Variants in IL1RAPL2 observed in about 807,000 individuals in gnomAD.
IL1RAPL2 encodes the protein interleukin 1 receptor accessory protein like 2.
In IL1RAPL2, 3 loss-of-function variants were observed where a neutral mutation model predicts 44.1. That is an observed-to-expected ratio of 0.07 (90% confidence interval 0.03 to 0.18). The LOEUF (loss-of-function observed/expected upper bound fraction) is 0.18. Ranked by LOEUF, IL1RAPL2 falls within the 10% of genes least tolerant of loss-of-function variation. IL1RAPL2 has a pLI of 1.00. For synonymous variants in IL1RAPL2, 181 were observed against 178.8 expected (o/e 1.01, Z -0.10); for missense variants, 391 against 496.4 (o/e 0.79, Z 2.02).
intron 5 of IL1RAPL2, among the ~76,000 whole-genome samples, chrX:105,415,364 T>C (rs1285421985): frequency 9.0e-6 from 1 of 111,384 alleles, no homozygotes; most frequent in Non-Finnish European, 1.9e-5. Flanking sequence ...TATCATATAA[T>C]AGGAAGTCAG....
chrX:105,213,505 G>A (rs1233080227), intron 3 of IL1RAPL2, among the ~76,000 whole-genome samples: 2 of 110,812 alleles, frequency 1.8e-5, no homozygotes, highest in African/African-American at 6.6e-5. Flanking sequence ...TGATTGATTG[G>A]TGTACCTGAA....
intron 6 of IL1RAPL2, among the ~76,000 whole-genome samples, chrX:105,641,030 A>C (rs1202540317): frequency 1.8e-5 from 2 of 109,991 alleles, no homozygotes; most frequent in Non-Finnish European, 3.8e-5. Flanking sequence ...TAAACATACA[A>C]AAAATTAAGC....
intron 2 of IL1RAPL2, among the ~76,000 whole-genome samples, chrX:104,798,923 T>A (rs1214084402): frequency 2.7e-5 from 3 of 111,404 alleles, no homozygotes; most frequent in African/African-American, 9.8e-5. Flanking sequence ...TCCACATGCC[T>A]CTAGACTAAG....
At chrX:105,351,653 A>T in intron 5 of IL1RAPL2, among the ~76,000 whole-genome samples, 1 of 110,515 alleles carries the variant, frequency 9.0e-6, no homozygotes, top group Middle Eastern at 4.7e-3. Context: ...TAGGGGAGGG[A>T]TAGCATTAAG....
At chrX:104,618,447 G>A (rs1333463118) in intron 1 of IL1RAPL2, among the ~76,000 whole-genome samples, 1 of 112,258 alleles carries the variant, frequency 8.9e-6, no homozygotes, top group Non-Finnish European at 1.9e-5. Flanking sequence ...ACCCAGAGGT[G>A]TGCCTACGTA....
At chrX:105,275,814 G>A (rs1343170378) in intron 5 of IL1RAPL2, among the ~76,000 whole-genome samples, 1 of 110,784 alleles carries the variant, frequency 9.0e-6, no homozygotes, top group Non-Finnish European at 1.9e-5. Context: ...GCACAGCTAG[G>A]ACTAGAATCC....
chrX:105,379,417 A>G (rs1258538289), intron 5 of IL1RAPL2, among the ~76,000 whole-genome samples: 2 of 112,021 alleles, frequency 1.8e-5, no homozygotes, highest in Non-Finnish European at 3.8e-5. Context: ...CAATGAGTGT[A>G]GATTGGAGCT....
chrX:105,079,458 T>G (rs1380177884), intron 2 of IL1RAPL2, among the ~76,000 whole-genome samples: 1 of 109,791 alleles, frequency 9.1e-6, no homozygotes, highest in Non-Finnish European at 1.9e-5. Flanking sequence ...GTTTTCTTTA[T>G]CCAGTTCTTG....
At chrX:105,078,820 A>C (rs1393969459) in intron 2 of IL1RAPL2, among the ~76,000 whole-genome samples, 1 of 112,176 alleles carries the variant, frequency 8.9e-6, no homozygotes, top group Admixed American at 9.4e-5. Context: ...TGGGCATAGG[A>C]CCCTCCAAGC....
chrX:104,647,197 C>A, intron 1 of IL1RAPL2: 1 of 330,487 alleles, frequency 3.0e-6, no homozygotes. Context: ...GCAGGGTGGG[C>A]CCCCACTGGG....
intron 2 of IL1RAPL2, among the ~76,000 whole-genome samples, chrX:104,711,542 A>G (rs1212638968): frequency 9.0e-6 from 1 of 110,897 alleles, no homozygotes; most frequent in Non-Finnish European, 1.9e-5. Flanking sequence ...AAATAATGAA[A>G]GACAAATATG....
At chrX:104,890,250 A>G (rs1923385802) in intron 2 of IL1RAPL2, among the ~76,000 whole-genome samples, 2 of 111,926 alleles carry the variant, frequency 1.8e-5, no homozygotes, top group African/African-American at 6.5e-5. Flanking sequence ...TAGTGCCGCA[A>G]TAAACATACG....
intron 1 of IL1RAPL2, chrX:104,647,680 G>T: frequency 1.8e-6 from 1 of 549,472 alleles, no homozygotes. Flanking sequence ...TGATGCTGGT[G>T]AAGATGCAAG....
At chrX:105,383,320 G>C (rs968890716) in intron 5 of IL1RAPL2, among the ~76,000 whole-genome samples, 1 of 110,844 alleles carries the variant, frequency 9.0e-6, no homozygotes, top group African/African-American at 3.3e-5. Flanking sequence ...ATGAAATCAT[G>C]TTTTAACCTC....
At chrX:105,752,431 G>A (rs142827195) in intron 9 of IL1RAPL2, among the ~76,000 whole-genome samples, 4 of 111,919 alleles carry the variant, frequency 3.6e-5, no homozygotes, top group Non-Finnish European at 7.5e-5. Flanking sequence ...AAAACGTTTC[G>A]TTATCTTCCT....
intron 6 of IL1RAPL2, among the ~76,000 whole-genome samples, chrX:105,515,155 G>A (rs777981125): frequency 4.5e-5 from 5 of 111,671 alleles, no homozygotes; most frequent in Non-Finnish European, 7.5e-5. Flanking sequence ...GAGAGGAAGT[G>A]TGTTCACTGA....
intron 2 of IL1RAPL2, among the ~76,000 whole-genome samples, chrX:105,021,747 G>C (rs1009840498): frequency 9.0e-6 from 1 of 111,450 alleles, no homozygotes; most frequent in East Asian, 2.8e-4. Flanking sequence ...AACAATACGT[G>C]GGTATTTGCC....
chrX:104,678,239 C>T (rs899965906), intron 2 of IL1RAPL2, among the ~76,000 whole-genome samples: 1 of 112,197 alleles, frequency 8.9e-6, no homozygotes, highest in East Asian at 2.8e-4. Context: ...CAATCTAGAC[C>T]GTGGGATCCC....
chrX:104,861,335 G>A (rs757713170), intron 2 of IL1RAPL2, among the ~76,000 whole-genome samples: 8 of 111,386 alleles, frequency 7.2e-5, no homozygotes, highest in Admixed American at 6.7e-4. Flanking sequence ...AGGCACATGC[G>A]AGCACTGGGG....
Sources: gnomAD v4.1 joint callset for allele counts (sites outside exome capture counted in the v4.1 genomes callset) on GRCh38, gnomAD v4.1.1 for gene constraint, MANE v1.5 for transcripts, NCBI Gene and HGNC (gene_info 2026-07-23, HGNC 2026-07-21) for gene names.